The following GALNT10 variants were observed in gnomAD, a reference collection of about 807,000 sequenced individuals.
GALNT10 encodes polypeptide N-acetylgalactosaminyltransferase 10, also known as GalNAc transferase 10.
A neutral mutation model predicts 75.0 loss-of-function variants in GALNT10; 41 were observed. The ratio of observed to expected loss-of-function variants is 0.55; its 90% confidence interval spans 0.43 to 0.71. GALNT10 has a LOEUF of 0.71. GALNT10 is among the 30% of genes least tolerant of loss of function. The probability of loss-of-function intolerance (pLI) is 0.00; values close to 1 mark genes in which losing one functional copy is unlikely to be tolerated. For missense variants in GALNT10, 727 were observed against 818.5 expected (o/e 0.89, Z 1.36); for synonymous variants, 302 against 313.0 (o/e 0.96, Z 0.37).
intron 4 of GALNT10, among the ~76,000 whole-genome samples, chr5:154,335,133 G>T (rs528990002): frequency 6.6e-6 from 1 of 152,126 alleles, no homozygotes; most frequent in Non-Finnish European, 1.5e-5. Context: ...TATTGCTTGG[G>T]TTCTTTCGCC....
At chr5:154,358,965 C>T (rs1044406143) in intron 4 of GALNT10, among the ~76,000 whole-genome samples, 1 of 152,126 alleles carries the variant, frequency 6.6e-6, no homozygotes, top group Admixed American at 6.5e-5. Flanking sequence ...TTATTTTTTC[C>T]CCTGTTTTCT....
At chr5:154,333,698 T>C (rs1033057832) in intron 4 of GALNT10, among the ~76,000 whole-genome samples, 1 of 152,034 alleles carries the variant, frequency 6.6e-6, no homozygotes, top group Non-Finnish European at 1.5e-5. Context: ...CCTAAAAAGA[T>C]AGAGAAGAAA....
In GALNT10 at chr5:154,416,480, T is replaced by TACAC. The variant is rs70978542; in HGVS notation, c.1654-299_1654-296dup. ...AAATAAAAGATAAAAGGAAAGCACA[T>TACAC]ACACACACACACACACACACACACA... On this transcript the variant is annotated intron_variant, in intron 11 of 11. Transcript: ENST00000297107. The surrounding 1 kb of genome is among the most constrained non-coding windows in gnomAD (Gnocchi z 4.5). 0.018 allele frequency among the ~76,000 whole-genome samples: 2,552 copies of TACAC among 141,892 alleles called. 67 individuals carry two copies. Among genetic ancestry groups the TACAC allele is most frequent in the African/African-American group, 0.042 (1,563 of 36,884 alleles). The allele number at this position is 141,892 out of a possible 152,430, so 93.1% of individuals were successfully genotyped here.
At chr5:154,273,283 A>G (rs1581950036) in intron 1 of GALNT10, among the ~76,000 whole-genome samples, 1 of 152,182 alleles carries the variant, frequency 6.6e-6, no homozygotes, top group Non-Finnish European at 1.5e-5. Context: ...TGGCTTGAAC[A>G]CTGGCCGGCA....
rs1362473136 is a variant in GALNT10 at position 154,249,920 on chromosome 5, A to G, written c.160-44896A>G. Among the ~76,000 whole-genome samples, 3 of 151,950 alleles carry G rather than the reference A, an allele frequency of 2.0e-5. 1 individual carries two copies. Among genetic ancestry groups the G allele is most frequent in the African/African-American group, 7.2e-5 (3 of 41,426 alleles). On this transcript the variant is annotated intron_variant, in intron 1 of 11. Coordinates refer to ENST00000297107, the MANE Select transcript of GALNT10 (RefSeq NM_198321.4). ...AAGGGAATTTTTTTTTCTTGACCACACTCTAGGCATGAGCAGCATCAGGCC... is the reference window on the plus strand; with the variant it reads ...AAGGGAATTTTTTTTTCTTGACCACGCTCTAGGCATGAGCAGCATCAGGCC...
Position 154,342,049 on chromosome 5 carries a change from C to T in GALNT10, c.568+12311C>T, listed in dbSNP as rs367580893. On this transcript the variant is annotated intron_variant, in intron 4 of 11. Transcript: ENST00000297107. ...GTGAGGACTGGGTAAGGTACTGCAC[C>T]GTGACAGGGCCGGGCACATGGTCAT... Among the ~76,000 whole-genome samples the T allele has an allele frequency of 5.3e-5, 8 of 152,202 alleles. No individual in the cohort carries two copies. In the East Asian group the frequency reaches 1.4e-3, roughly 26 times the overall value.
chr5:154,385,156 G>A (rs1445948502), intron 6 of GALNT10, among the ~76,000 whole-genome samples: 1 of 151,954 alleles, frequency 6.6e-6, no homozygotes, highest in Non-Finnish European at 1.5e-5. Context: ...CTGCTGGAAT[G>A]TTTGGATTTG....
chr5:154,315,587 T>G (rs1228276903), intron 3 of GALNT10, among the ~76,000 whole-genome samples: 1 of 152,240 alleles, frequency 6.6e-6, no homozygotes, highest in African/African-American at 2.4e-5. Context: ...ATTGGTCTGG[T>G]GAGCCTCATT....
intron 1 of GALNT10, among the ~76,000 whole-genome samples, chr5:154,251,083 A>C (rs554278435): frequency 6.6e-6 from 1 of 152,306 alleles, no homozygotes; most frequent in South Asian, 2.1e-4. Context: ...CAGAAAGCTA[A>C]ACAAAACTGT....
At chr5:154,341,177 G>A (rs1368099037) in intron 4 of GALNT10, among the ~76,000 whole-genome samples, 1 of 152,206 alleles carries the variant, frequency 6.6e-6, no homozygotes, top group Non-Finnish European at 1.5e-5. Context: ...AGTATTCACA[G>A]ATGCAGGCTG....
chr5:154,205,812 T>C (rs1775099210), intron 1 of GALNT10, among the ~76,000 whole-genome samples: 1 of 152,158 alleles, frequency 6.6e-6, no homozygotes, highest in Non-Finnish European at 1.5e-5. Flanking sequence ...CACCTGGGGC[T>C]ACCAGAAGCT....
intron 3 of GALNT10, among the ~76,000 whole-genome samples, chr5:154,321,836 C>A (rs35166265): frequency 0.017 from 2,588 of 152,310 alleles, 31 homozygotes; most frequent in Middle Eastern, 0.044. Flanking sequence ...GGGGCACCCA[C>A]TGTCACCTCC....
chr5:154,371,963 A>C (rs1352058750), intron 4 of GALNT10, among the ~76,000 whole-genome samples: 1 of 152,156 alleles, frequency 6.6e-6, no homozygotes, highest in Non-Finnish European at 1.5e-5. Context: ...TTCGCTTCCA[A>C]ATCATCCCGT....
chr5:154,287,940 G>A (rs1754137118), intron 1 of GALNT10, among the ~76,000 whole-genome samples: 1 of 124,662 alleles, frequency 8.0e-6, no homozygotes, highest in South Asian at 2.7e-4. Context: ...GTGTGCATGT[G>A]TGTGCATGTG....
chr5:154,314,283 G>A (rs943119636), intron 3 of GALNT10, among the ~76,000 whole-genome samples: 1 of 152,120 alleles, frequency 6.6e-6, no homozygotes, highest in Non-Finnish European at 1.5e-5. Flanking sequence ...ACCCAGATCT[G>A]AGTGTCTCTT....
intron 7 of GALNT10, chr5:154,386,972 C>T (rs1755817646): frequency 6.2e-6 from 1 of 161,400 alleles, no homozygotes; most frequent in South Asian, 1.9e-4. Context: ...CAAGTTAGAT[C>T]ACCCCCCCGA....
intron 8 of GALNT10, among the ~76,000 whole-genome samples, chr5:154,406,672 C>G (rs184165731): frequency 6.6e-6 from 1 of 152,246 alleles, no homozygotes; most frequent in Non-Finnish European, 1.5e-5. Flanking sequence ...TGGTGTGCGC[C>G]TGTAATACCA....
chr5:154,384,016 G>A (rs942709172), intron 6 of GALNT10, among the ~76,000 whole-genome samples: 6 of 152,082 alleles, frequency 3.9e-5, no homozygotes, highest in Non-Finnish European at 5.9e-5. Flanking sequence ...TTCACAAGGC[G>A]GCAGGAGAGA....
intron 5 of GALNT10, among the ~76,000 whole-genome samples, chr5:154,377,202 A>G (rs893309683): frequency 7.2e-5 from 11 of 152,200 alleles, no homozygotes; most frequent in Non-Finnish European, 1.6e-4. Flanking sequence ...TGCCTGAATC[A>G]GGCCTGAATC....
Sources: gnomAD v4.1 joint callset for allele counts (sites outside exome capture counted in the v4.1 genomes callset) on GRCh38, gnomAD v4.1.1 for gene constraint, Gnocchi (gnomAD v3.1) non-coding constraint, MANE v1.5 for transcripts, NCBI Gene and HGNC (gene_info 2026-07-23, HGNC 2026-07-21) for gene names.